Variants in IQSEC1 observed in about 807,000 individuals in gnomAD.
IQSEC1 encodes the protein IQ motif and SEC7 domain-containing protein 1.
In IQSEC1, 31 loss-of-function variants were observed where a neutral mutation model predicts 91.0. That is an observed-to-expected ratio of 0.34 (90% confidence interval 0.26 to 0.46). The LOEUF is 0.46. IQSEC1 is among the 20% of genes least tolerant of loss of function. IQSEC1 has a pLI of 1.00. For synonymous variants in IQSEC1, 699 were observed against 662.6 expected (o/e 1.05, Z -0.84); for missense variants, 1,388 against 1,575.6 (o/e 0.88, Z 2.02).
intron 2 of IQSEC1, among the ~76,000 whole-genome samples, chr3:13,082,370 C>T (rs963070977): frequency 6.6e-6 from 1 of 152,250 alleles, no homozygotes; most frequent in African/African-American, 2.4e-5. Flanking sequence ...GCTTCTTCTG[C>T]AGTTCCCTCA....
chr3:13,134,250 G>A (rs1365599783), intron 2 of IQSEC1, among the ~76,000 whole-genome samples: 1 of 152,226 alleles, frequency 6.6e-6, no homozygotes, highest in Non-Finnish European at 1.5e-5. Flanking sequence ...GCTGCAGGGC[G>A]AGGCATCCCA....
chr3:13,154,784 T>C (rs1707060020), intron 2 of IQSEC1, among the ~76,000 whole-genome samples: 1 of 151,926 alleles, frequency 6.6e-6, no homozygotes, highest in African/African-American at 2.4e-5. Context: ...GGGACCACAG[T>C]GGGATGAAGT....
At chr3:13,156,551 C>T (rs1576275133) in intron 2 of IQSEC1, among the ~76,000 whole-genome samples, 1 of 152,180 alleles carries the variant, frequency 6.6e-6, no homozygotes, top group South Asian at 2.1e-4. Context: ...GCTCTGGCCT[C>T]CTTCCAGAGG....
At chr3:13,267,444 G>A (rs1201911257) in intron 1 of IQSEC1, among the ~76,000 whole-genome samples, 1 of 152,112 alleles carries the variant, frequency 6.6e-6, no homozygotes, top group Non-Finnish European at 1.5e-5. Flanking sequence ...AAGAGAGGCT[G>A]ACATTCTGAT....
At chr3:13,118,850 G>A (rs989930214) in intron 2 of IQSEC1, among the ~76,000 whole-genome samples, 4 of 152,068 alleles carry the variant, frequency 2.6e-5, no homozygotes, top group African/African-American at 9.7e-5. Context: ...CCAAGGTGGT[G>A]GGTCACCAGG....
In IQSEC1 at chr3:12,959,490, G is replaced by T. The variant is rs146003466; in HGVS notation, c.24-17625C>A. On this transcript the variant is annotated intron_variant, in intron 1 of 13. Coordinates refer to ENST00000613206, the MANE Select transcript of IQSEC1 (RefSeq NM_001134382.3). ...CAGGAAGGCCCTGTCTGATGGAGGAGTCACGGGCCTAGCCTCTCCCAGTCA... is the reference window on the plus strand; with the variant it reads ...CAGGAAGGCCCTGTCTGATGGAGGATTCACGGGCCTAGCCTCTCCCAGTCA... Among the ~76,000 whole-genome samples, 265 of 152,302 alleles carry T rather than the reference G, an allele frequency of 1.7e-3. 1 individual carries two copies. Among genetic ancestry groups the T allele is most frequent in the African/African-American group, 5.9e-3 (246 of 41,570 alleles).
At chr3:13,105,275 T>C (rs1706134396) in intron 2 of IQSEC1, among the ~76,000 whole-genome samples, 1 of 151,996 alleles carries the variant, frequency 6.6e-6, no homozygotes, top group African/African-American at 2.4e-5. Context: ...TCTACCACTC[T>C]CTACTTCACA....
At chr3:12,920,816 G>A (rs1325261970) in intron 5 of IQSEC1, among the ~76,000 whole-genome samples, 1 of 152,190 alleles carries the variant, frequency 6.6e-6, no homozygotes, top group African/African-American at 2.4e-5. Context: ...TGGCCGTCCT[G>A]GGGAGGACTA....
chr3:13,088,142 A>G (rs963472024), intron 2 of IQSEC1, among the ~76,000 whole-genome samples: 5 of 152,084 alleles, frequency 3.3e-5, no homozygotes, highest in African/African-American at 1.2e-4. Flanking sequence ...TGTGTTTACC[A>G]TCTGTTTCTC....
intron 1 of IQSEC1, among the ~76,000 whole-genome samples, chr3:12,962,429 G>A (rs1228580095): frequency 1.3e-5 from 2 of 152,206 alleles, no homozygotes; most frequent in African/African-American, 4.8e-5. Context: ...TGGGCAGCAG[G>A]GGATTTTGGG....
At chr3:13,115,735 G>A (rs1456097499) in intron 2 of IQSEC1, among the ~76,000 whole-genome samples, 4 of 152,176 alleles carry the variant, frequency 2.6e-5, no homozygotes, top group South Asian at 2.1e-4. Context: ...GACCCTCTCC[G>A]GGCGCTGAAT....
chr3:13,088,941 CAGG>C (rs2125136947), intron 2 of IQSEC1, among the ~76,000 whole-genome samples: 1 of 152,366 alleles, frequency 6.6e-6, no homozygotes, highest in Admixed American at 6.5e-5. Flanking sequence ...TGAAGAGGGC[CAGG>C]AGAAGGGCTG....
At chr3:13,001,013 C>T (rs367797021) in intron 1 of IQSEC1, among the ~76,000 whole-genome samples, 6 of 148,390 alleles carry the variant, frequency 4.0e-5, no homozygotes, top group African/African-American at 1.3e-4. Flanking sequence ...TACAGTGGCT[C>T]GACTTTGGCT....
intron 1 of IQSEC1, among the ~76,000 whole-genome samples, chr3:13,167,666 G>A (rs1417024800): frequency 2.6e-5 from 4 of 152,186 alleles, no homozygotes; most frequent in Admixed American, 1.3e-4. Context: ...GTCCTCACAA[G>A]AGCATAGAGG....
At chr3:13,109,816 C>T (rs1349565865) in intron 2 of IQSEC1, among the ~76,000 whole-genome samples, 1 of 151,742 alleles carries the variant, frequency 6.6e-6, no homozygotes, top group African/African-American at 2.4e-5. Context: ...AATAAATTAC[C>T]CAGTCTCAGG....
At chr3:13,133,323 T>C (rs1311790523) in intron 2 of IQSEC1, among the ~76,000 whole-genome samples, 1 of 152,220 alleles carries the variant, frequency 6.6e-6, no homozygotes, top group African/African-American at 2.4e-5. Context: ...TTAGCAGGGA[T>C]ATTACAGAAG....
intron 1 of IQSEC1, among the ~76,000 whole-genome samples, chr3:12,997,257 T>C (rs983065958): frequency 1.4e-4 from 21 of 152,344 alleles, no homozygotes; most frequent in Admixed American, 2.6e-4. Flanking sequence ...TGTGTGGGAA[T>C]TTCCTAATTT....
At chr3:13,174,954 C>T (rs1055791283) in intron 1 of IQSEC1, among the ~76,000 whole-genome samples, 4 of 152,122 alleles carry the variant, frequency 2.6e-5, no homozygotes, top group African/African-American at 9.7e-5. Flanking sequence ...GCTGGTCCCT[C>T]CTCCTGGCAT....
intron 1 of IQSEC1, among the ~76,000 whole-genome samples, chr3:13,213,620 A>C (rs1430094751): frequency 1.4e-4 from 22 of 152,160 alleles, no homozygotes; most frequent in Non-Finnish European, 1.3e-4. Flanking sequence ...CCATGTTTTT[A>C]GTCATGAAAG....
Sources: allele counts gnomAD v4.1 joint callset (sites outside exome capture counted in the v4.1 genomes callset), GRCh38; gene constraint gnomAD v4.1.1; transcripts MANE v1.5; gene names NCBI Gene and HGNC (gene_info 2026-07-23, HGNC 2026-07-21).